ACOT1: variants seen among roughly 807,000 people sequenced by gnomAD.
ACOT1 encodes acyl-CoA thioesterase 1.
A neutral mutation model predicts 15.7 loss-of-function variants in ACOT1; 8 were observed. That is an observed-to-expected ratio of 0.51 (90% CI 0.30 to 0.92). ACOT1 has a LOEUF of 0.92. Among genes scored for constraint, ACOT1 ranks in the 40% least tolerant of loss-of-function variants. The probability of loss-of-function intolerance (pLI) is 0.06; values close to 1 mark genes in which losing one functional copy is unlikely to be tolerated. For missense variants in ACOT1, 151 were observed against 539.4 expected (o/e 0.28, Z 7.13); for synonymous variants, 67 against 241.2 (o/e 0.28, Z 6.69).
chr14:73,495,464 T>G, the ACOT1 span: 2 of 1,240,010 alleles, frequency 1.6e-6, no homozygotes, highest in Non-Finnish European at 2.3e-6. Context: ...AAAACATTAA[T>G]AAAGTGATTG....
chr14:73,498,092 T>G, the ACOT1 span: 1 of 1,469,004 alleles, frequency 6.8e-7, no homozygotes, highest in Non-Finnish European at 9.3e-7. Context: ...ACATATTCAA[T>G]GAGCAAAGAT....
chr14:73,522,246 T>G, the ACOT1 span: 51 of 1,598,308 alleles, frequency 3.2e-5, no homozygotes, highest in African/African-American at 6.3e-4. Flanking sequence ...TTATCAAAGG[T>G]GCACTTGAGG....
chr14:73,522,961 C>G, the ACOT1 span: 4 of 1,614,104 alleles, frequency 2.5e-6, no homozygotes, highest in Non-Finnish European at 3.4e-6. Flanking sequence ...CAGCCATTTT[C>G]AAATATTGGC....
At chr14:73,494,197 T>C in the ACOT1 span, among the ~76,000 whole-genome samples, 1 of 152,186 alleles carries the variant, frequency 6.6e-6, no homozygotes, top group East Asian at 1.9e-4. Flanking sequence ...ATTCTCATGG[T>C]TGGTGGAAAA....
At chr14:73,495,076 AAGACTGAGTGGATGGT>A in the ACOT1 span, 2 of 582,764 alleles carry the variant, frequency 3.4e-6, no homozygotes, top group Non-Finnish European at 5.9e-6. Flanking sequence ...AAAAAACACA[AAGACTGAGTGGATGGT>A]AGCCAAGAGG....
chr14:73,506,377 T>G, the ACOT1 span: 1 of 829,988 alleles, frequency 1.2e-6, no homozygotes. Context: ...TTGGTAAGAA[T>G]GGAATAATAC....
the ACOT1 span, chr14:73,506,487 T>C: frequency 6.2e-7 from 1 of 1,613,660 alleles, no homozygotes; most frequent in Non-Finnish European, 8.5e-7. Context: ...TTTCCACTGA[T>C]CCGGGAGAAA....
chr14:73,509,375 G>T, the ACOT1 span: 1 of 1,614,056 alleles, frequency 6.2e-7, no homozygotes, highest in Non-Finnish European at 8.5e-7. Context: ...ATGGCATATT[G>T]GCATATTGCT....
At chr14:73,498,129 G>A in the ACOT1 span, 2 of 1,585,312 alleles carry the variant, frequency 1.3e-6, no homozygotes, top group African/African-American at 1.3e-5. Flanking sequence ...TAAGGTCATG[G>A]TGGGAGCCAG....
the ACOT1 span, among the ~76,000 whole-genome samples, chr14:73,505,890 C>CTTT: frequency 7.6e-4 from 86 of 113,330 alleles, 2 homozygotes; most frequent in Non-Finnish European, 1.2e-3. Flanking sequence ...ATAAACGTTT[C>CTTT]TTTTTTTTTT....
At chr14:73,537,952 T>C (rs2140310818) in intron 1 of ACOT1, 74 bp downstream of exon 1, 1 of 1,034,884 alleles carries the variant, frequency 9.7e-7, no homozygotes, top group Non-Finnish European at 1.2e-6. Flanking sequence ...TGTGTGTGTG[T>C]CCCCTTCGCC....
chr14:73,506,814 T>TTTTTGTTTTTTTTTTG, the ACOT1 span, among the ~76,000 whole-genome samples: 1 of 132,390 alleles, frequency 7.6e-6, no homozygotes, highest in Non-Finnish European at 1.5e-5. Context: ...GTTTTTTTTT[T>TTTTTGTTTTTTTTTTG]TTTTTTTTTT....
the ACOT1 span, among the ~76,000 whole-genome samples, chr14:73,501,264 G>A: frequency 6.6e-6 from 1 of 151,262 alleles, no homozygotes; most frequent in Non-Finnish European, 1.5e-5. Flanking sequence ...GACTATAGGC[G>A]CCCACCACCA....
chr14:73,524,310 A>AAAAATATATATATAT, the ACOT1 span, among the ~76,000 whole-genome samples: 1 of 54,772 alleles, frequency 1.8e-5, no homozygotes, highest in East Asian at 4.5e-4. Flanking sequence ...AAAAAAAAAA[A>AAAAATATATATATAT]ATATATATAT....
the ACOT1 span, chr14:73,495,291 A>G: frequency 1.2e-6 from 2 of 1,614,084 alleles, no homozygotes; most frequent in Non-Finnish European, 1.7e-6. Context: ...TTGGGTTTCA[A>G]GTAAACACGT....
At chr14:73,529,539 C>A in the ACOT1 span, among the ~76,000 whole-genome samples, 8 of 152,036 alleles carry the variant, frequency 5.3e-5, no homozygotes, top group South Asian at 1.7e-3. Context: ...AGATCCCCAA[C>A]TAGAAAATGT....
upstream of ACOT1, among the ~76,000 whole-genome samples, chr14:73,535,761 G>A (rs1317184268): frequency 1.8e-5 from 2 of 113,786 alleles, 1 homozygote; most frequent in East Asian, 1.4e-3. Flanking sequence ...TTACAGGCGC[G>A]AGCCACCGCG....
At position 73,538,371 on chromosome 14, in the gene ACOT1, T is replaced by C. The variant is rs1222784736; in HGVS notation, c.457+493T>C. The stretch of plus-strand genomic sequence containing the variant: ...GCTCACGCCTGTAATCCCAGCACTT[T>C]GAGAAGCCGAGGCGGGCGGATCACG... On this transcript the variant is annotated intron_variant, in intron 1 of 2. Coordinates refer to ENST00000311148, the MANE Select transcript of ACOT1 (RefSeq NM_001037161.2). Among the ~76,000 whole-genome samples, 2 of 114,088 alleles carry C rather than the reference T, an allele frequency of 1.8e-5. 1 individual carries two copies. Among genetic ancestry groups the C allele is most frequent in the Non-Finnish European group, 3.8e-5 (2 of 52,538 alleles). 74.8% of individuals were successfully genotyped at this position (114,088 alleles called of 152,430 possible). A position where few individuals can be genotyped will look rare whatever the true frequency, so the allele number is the denominator to read the frequency against.
chr14:73,496,627 C>T, the ACOT1 span: 2 of 1,603,756 alleles, frequency 1.2e-6, no homozygotes, highest in Non-Finnish European at 1.7e-6. Flanking sequence ...TGAAGCATTT[C>T]TTGGTTTCCT....
Sources: allele counts gnomAD v4.1 joint callset (sites outside exome capture counted in the v4.1 genomes callset), GRCh38; gene constraint gnomAD v4.1.1; transcripts MANE v1.5; gene names NCBI Gene and HGNC (gene_info 2026-07-23, HGNC 2026-07-21).